Variants in SLC9C1 observed in about 807,000 individuals in gnomAD.
The protein encoded by SLC9C1 is solute carrier family 9 member C1.
In SLC9C1, 97 loss-of-function variants were observed where a neutral mutation model predicts 140.9. The ratio of observed to expected loss-of-function variants is 0.69; its 90% CI spans 0.58 to 0.82. SLC9C1 has a LOEUF of 0.82. SLC9C1 is among the 40% of genes least tolerant of loss of function. SLC9C1 has a pLI of 0.00. For synonymous variants in SLC9C1, 440 were observed against 442.6 expected, an observed-to-expected ratio of 0.99 and a Z score of 0.07; for missense variants, 1,340 against 1,389.3, an observed-to-expected ratio of 0.96 and a Z score of 0.56.
chr3:112,252,706 T>C (rs1413669099), intron 10 of SLC9C1, among the ~76,000 whole-genome samples: 1 of 152,110 alleles, frequency 6.6e-6, no homozygotes, highest in East Asian at 1.9e-4. Context: ...TTTAGTAGCC[T>C]TAGCCATTGT....
intron 6 of SLC9C1, among the ~76,000 whole-genome samples, chr3:112,270,815 C>CA (rs932903820): frequency 1.3e-3 from 195 of 149,762 alleles, no homozygotes; most frequent in African/African-American, 4.1e-3. Context: ...GACTCTGTCT[C>CA]AAAAAAAAAG....
At chr3:112,167,642 G>A (rs563014970) in intron 25 of SLC9C1, among the ~76,000 whole-genome samples, 1 of 151,776 alleles carries the variant, frequency 6.6e-6, no homozygotes, top group East Asian at 1.9e-4. Flanking sequence ...TTTCCACATG[G>A]CAGAAAGAAA....
chr3:112,147,339 G>C (rs965320841), intron 28 of SLC9C1, among the ~76,000 whole-genome samples: 18 of 152,318 alleles, frequency 1.2e-4, no homozygotes, highest in African/African-American at 4.1e-4. Flanking sequence ...GTTGTTAGCT[G>C]TGTATTGTGC....
At position 112,179,648 on chromosome 3, in the gene SLC9C1, C is replaced by A; in HGVS notation, c.2802G>T (p.Glu934Asp). The change falls in exon 23 of 29, where the codon GAG (glutamate) becomes GAT (aspartate). Residue 934 changes from glutamate to aspartate, a missense_variant. Glu to Asp is a conservative substitution (Grantham distance 45). Coordinates refer to ENST00000305815, the MANE Select transcript of SLC9C1 (RefSeq NM_183061.3). The stretch of plus-strand genomic sequence containing the variant: ...CTGTGTCAATTATCGGAAAATCTTT[C>A]TCCTTTGACTCCACCATTTGATCAA... ...LGIDQMVESK[E>D]KDFPIIDTDY... is the part of the protein sequence containing the mutation. 1 of 1,611,396 alleles carries A rather than the reference C, an allele frequency of 6.2e-7. No homozygotes were observed. The highest frequency in any genetic ancestry group is 8.5e-7 in the Non-Finnish European group (1 of 1,179,002).
At chr3:112,256,471 TATG>T (rs1383835277) in intron 10 of SLC9C1, among the ~76,000 whole-genome samples, 1 of 151,894 alleles carries the variant, frequency 6.6e-6, no homozygotes, top group Non-Finnish European at 1.5e-5. Flanking sequence ...AGACAAACTA[TATG>T]ATGATCTCCA....
At chr3:112,247,078 G>A (rs1576439277) in intron 10 of SLC9C1, among the ~76,000 whole-genome samples, 1 of 152,124 alleles carries the variant, frequency 6.6e-6, no homozygotes, top group Non-Finnish European at 1.5e-5. Context: ...ATAGGCAGAA[G>A]CTTATTTTAT....
chr3:112,287,567 A>G (rs1034720648), intron 1 of SLC9C1, among the ~76,000 whole-genome samples: 2 of 152,230 alleles, frequency 1.3e-5, no homozygotes, highest in African/African-American at 4.8e-5. Context: ...AGGGGCCTTG[A>G]TAAGAGTTTG....
intron 6 of SLC9C1, among the ~76,000 whole-genome samples, chr3:112,271,251 A>G (rs1190731906): frequency 6.6e-6 from 1 of 152,046 alleles, no homozygotes; most frequent in African/African-American, 2.4e-5. Flanking sequence ...TTTCAGATCT[A>G]TTCCACAGCA....
chr3:112,283,494 A>AT (rs60100231), intron 2 of SLC9C1, among the ~76,000 whole-genome samples: 86,701 of 146,990 alleles, frequency 0.59, 25,953 homozygotes, highest in East Asian at 0.79. Context: ...AAAAAAAAAA[A>AT]AGAATGTCTT....
At chr3:112,210,581 A>G (rs1393556461) in intron 15 of SLC9C1, among the ~76,000 whole-genome samples, 3 of 152,230 alleles carry the variant, frequency 2.0e-5, no homozygotes, top group Non-Finnish European at 2.9e-5. Context: ...TACCCAGTTT[A>G]TTTTTGGACT....
At chr3:112,261,487 TATAAC>T (rs2079770080) in intron 10 of SLC9C1, among the ~76,000 whole-genome samples, 1 of 152,072 alleles carries the variant, frequency 6.6e-6, no homozygotes, top group Admixed American at 6.6e-5. Flanking sequence ...ACTTTCCCAA[TATAAC>T]ATAACTTATG....
chr3:112,282,473 A>C (rs1050047168), intron 2 of SLC9C1, among the ~76,000 whole-genome samples: 3 of 152,204 alleles, frequency 2.0e-5, no homozygotes, highest in Admixed American at 1.3e-4. Context: ...TGCCGGAGAA[A>C]GCTTCACCAG....
chr3:112,156,424 T>G (rs1483835411), intron 26 of SLC9C1, among the ~76,000 whole-genome samples: 1 of 152,136 alleles, frequency 6.6e-6, no homozygotes, highest in African/African-American at 2.4e-5. Flanking sequence ...CATTTGTTGA[T>G]GAACACTTAT....
chr3:112,166,471 A>C (rs2077138431), intron 26 of SLC9C1, among the ~76,000 whole-genome samples: 2 of 152,226 alleles, frequency 1.3e-5, no homozygotes, highest in Non-Finnish European at 2.9e-5. Context: ...ACTTACAGTC[A>C]TGGTGGACAG....
intron 15 of SLC9C1, among the ~76,000 whole-genome samples, chr3:112,216,102 G>A (rs1351829821): frequency 6.6e-6 from 1 of 152,104 alleles, no homozygotes; most frequent in Non-Finnish European, 1.5e-5. Context: ...ACAAGAAATG[G>A]GGAAAGGATT....
At chr3:112,260,249 G>A (rs994096971) in intron 10 of SLC9C1, among the ~76,000 whole-genome samples, 7 of 151,448 alleles carry the variant, frequency 4.6e-5, no homozygotes, top group Non-Finnish European at 8.8e-5. Flanking sequence ...AGCTCATAAC[G>A]AAAATTTTTA....
intron 12 of SLC9C1, among the ~76,000 whole-genome samples, chr3:112,234,189 T>A (rs950336718): frequency 1.3e-5 from 2 of 152,236 alleles, no homozygotes; most frequent in African/African-American, 4.8e-5. Flanking sequence ...TGGTATGAGA[T>A]GGTATCTCGT....
chr3:112,206,831 C>T (rs1049840799), intron 16 of SLC9C1, among the ~76,000 whole-genome samples: 33 of 126,650 alleles, frequency 2.6e-4, no homozygotes, highest in Non-Finnish European at 3.4e-4. Context: ...CATCACACAC[C>T]GGATCCTGTC....
chr3:112,196,583 G>C (rs1354179940), intron 20 of SLC9C1, among the ~76,000 whole-genome samples: 2 of 151,824 alleles, frequency 1.3e-5, no homozygotes, highest in African/African-American at 4.8e-5. Context: ...TTATCTTTCT[G>C]TTCCTCAGAC....
Sources: allele counts gnomAD v4.1 joint callset (sites outside exome capture counted in the v4.1 genomes callset), GRCh38; gene constraint gnomAD v4.1.1; transcripts MANE v1.5; gene names NCBI Gene and HGNC (gene_info 2026-07-23, HGNC 2026-07-21).